LNX1: variants seen among roughly 807,000 people sequenced by gnomAD.
The protein encoded by LNX1 is ligand of numb-protein X 1.
In LNX1, 54 loss-of-function variants were observed where a neutral mutation model predicts 68.4. The ratio of observed to expected loss-of-function variants is 0.79; its 90% CI spans 0.63 to 0.99. The LOEUF is 0.99. Among genes scored for constraint, LNX1 ranks in the 50% least tolerant of loss-of-function variants. LNX1 has a pLI of 0.00. For missense variants in LNX1, 906 were observed against 926.4 expected, an observed-to-expected ratio of 0.98 and a Z score of 0.29; for synonymous variants, 336 against 350.0, an observed-to-expected ratio of 0.96 and a Z score of 0.45.
At chr4:53,509,116 A>T (rs1473337932) in intron 2 of LNX1, among the ~76,000 whole-genome samples, 3 of 152,232 alleles carry the variant, frequency 2.0e-5, no homozygotes, top group Non-Finnish European at 2.9e-5. Flanking sequence ...AAGTCATTGC[A>T]GCGCACAGGC....
At chr4:53,575,711 G>A in intron 1 of LNX1, 3 of 1,415,068 alleles carry the variant, frequency 2.1e-6, no homozygotes, top group Non-Finnish European at 2.8e-6. Context: ...GGAAGCAGCA[G>A]CAGTGTCTGC....
chr4:53,482,077 A>T (rs1242120681), intron 6 of LNX1, among the ~76,000 whole-genome samples: 1 of 152,238 alleles, frequency 6.6e-6, no homozygotes, highest in East Asian at 1.9e-4. Flanking sequence ...CTCCAAGGGA[A>T]AACTAGGGAA....
At chr4:53,644,393 G>A (rs933153151) in intron 1 of LNX1, among the ~76,000 whole-genome samples, 1 of 151,910 alleles carries the variant, frequency 6.6e-6, no homozygotes, top group African/African-American at 2.4e-5. Flanking sequence ...CAGAGTGAGA[G>A]TCTATCTCAA....
At chr4:53,543,983 G>C (rs1405189455) in intron 2 of LNX1, among the ~76,000 whole-genome samples, 2 of 152,156 alleles carry the variant, frequency 1.3e-5, no homozygotes, top group African/African-American at 4.8e-5. Context: ...CCTCATCTCT[G>C]GGTCTTTTGT....
At chr4:53,535,347 T>A (rs1299482899) in intron 2 of LNX1, among the ~76,000 whole-genome samples, 1 of 152,218 alleles carries the variant, frequency 6.6e-6, no homozygotes, top group African/African-American at 2.4e-5. Context: ...CCTTGAAATG[T>A]TATTATTTCC....
intron 2 of LNX1, among the ~76,000 whole-genome samples, chr4:53,562,220 C>T (rs1265442680): frequency 6.6e-6 from 1 of 152,196 alleles, no homozygotes; most frequent in Non-Finnish European, 1.5e-5. Context: ...CATTGAAAGT[C>T]TGGGTCAAGA....
intron 2 of LNX1, among the ~76,000 whole-genome samples, chr4:53,602,631 A>G (rs2033618): frequency 9.1e-4 from 138 of 152,314 alleles, no homozygotes; most frequent in African/African-American, 3.3e-3. Context: ...CGTGGTGACT[A>G]AACTAATGAA....
At chr4:53,493,116 C>T (rs1724820443) in intron 6 of LNX1, among the ~76,000 whole-genome samples, 1 of 152,062 alleles carries the variant, frequency 6.6e-6, no homozygotes, top group African/African-American at 2.4e-5. Flanking sequence ...ATTACAGGTG[C>T]CTGCCACCAC....
intron 9 of LNX1, among the ~76,000 whole-genome samples, chr4:53,468,568 C>A (rs1722882455): frequency 2.0e-5 from 3 of 152,052 alleles, no homozygotes; most frequent in African/African-American, 7.3e-5. Flanking sequence ...AAGTCAAGAC[C>A]CATCAGTGTG....
upstream of LNX1, among the ~76,000 whole-genome samples, chr4:53,618,899 GT>G (rs1030931897): frequency 2.0e-5 from 3 of 151,782 alleles, no homozygotes; most frequent in African/African-American, 7.3e-5. Flanking sequence ...AGCTCCTTTT[GT>G]TTTTTTTATA....
In LNX1 at chr4:53,459,620, A is replaced by AAT; in HGVS notation, c.*1285_*1286dup. 1 of 916,412 alleles carries AAT rather than the reference A, an allele frequency of 1.1e-6. No individual in the cohort carries two copies. Among genetic ancestry groups the AAT allele is most frequent in the Non-Finnish European group, 1.7e-6 (1 of 599,304 alleles). 56.8% of individuals were successfully genotyped at this position (916,412 alleles called of 1,614,324 possible). On this transcript the variant is annotated 3_prime_UTR_variant, in exon 11 of 11. Transcript: ENST00000263925. ...AGTGAATTTTTCATGTTAAGTTAAA[A>AAT]ATCTTTGTCTTGTACTATTTCAAAA...
intron 2 of LNX1, among the ~76,000 whole-genome samples, chr4:53,550,993 A>G (rs538088471): frequency 2.2e-4 from 34 of 152,294 alleles, no homozygotes; most frequent in Non-Finnish European, 3.4e-4. Flanking sequence ...GTGAGCCCCA[A>G]AATGAATGTT....
At chr4:53,466,383 G>A (rs555410440) in intron 9 of LNX1, among the ~76,000 whole-genome samples, 3 of 152,194 alleles carry the variant, frequency 2.0e-5, no homozygotes, top group Admixed American at 6.5e-5. Context: ...AGCCGAATAG[G>A]AACAGCTCCA....
intron 2 of LNX1, among the ~76,000 whole-genome samples, chr4:53,570,960 G>A (rs1236234499): frequency 5.3e-5 from 8 of 151,628 alleles, no homozygotes; most frequent in Non-Finnish European, 8.8e-5. Flanking sequence ...CCGGGAGGCC[G>A]AGCTTGTGGT....
intron 1 of LNX1, among the ~76,000 whole-genome samples, chr4:53,637,165 C>T (rs1395347995): frequency 6.6e-6 from 1 of 151,710 alleles, no homozygotes; most frequent in Non-Finnish European, 1.5e-5. Context: ...TAAGAGGATC[C>T]CAATAATTGG....
chr4:53,507,748 A>C (rs76306873), intron 3 of LNX1, among the ~76,000 whole-genome samples: 1 of 152,190 alleles, frequency 6.6e-6, no homozygotes, highest in Non-Finnish European at 1.5e-5. Context: ...TGCAGGAGTG[A>C]TGAATCATTA....
At position 53,622,515 on chromosome 4, in the gene LNX1, G is replaced by T. The variant is rs1490359347; in HGVS notation, c.-215+29653C>A. Among the ~76,000 whole-genome samples, 9 of 152,078 alleles carry T rather than the reference G, an allele frequency of 5.9e-5. No homozygotes were observed. In the East Asian group the frequency reaches 1.7e-3, roughly 29 times the overall value. On this transcript the variant is annotated intron_variant, in intron 1 of 2. Coordinates refer to the LNX1 transcript ENST00000507168. The stretch of plus-strand genomic sequence containing the variant: ...CCCTCCCTCACTCTCTCACCCCAGG[G>T]CTAGCAATGGACCATTATCTCCAAT...
intron 2 of LNX1, among the ~76,000 whole-genome samples, chr4:53,560,688 A>T (rs907520593): frequency 1.3e-5 from 2 of 152,198 alleles, no homozygotes; most frequent in African/African-American, 4.8e-5. Context: ...CAGCCATTTG[A>T]GACCATGAGG....
chr4:53,565,150 C>T (rs1730573826), intron 2 of LNX1, among the ~76,000 whole-genome samples: 1 of 152,100 alleles, frequency 6.6e-6, no homozygotes, highest in African/African-American at 2.4e-5. Flanking sequence ...CCCACCACAG[C>T]TCAGGGAGGC....
Sources: gnomAD v4.1 joint callset for allele counts (sites outside exome capture counted in the v4.1 genomes callset) on GRCh38, gnomAD v4.1.1 for gene constraint, MANE v1.5 for transcripts, NCBI Gene and HGNC (gene_info 2026-07-23, HGNC 2026-07-21) for gene names.